Variants in PPP2R1B observed in about 807,000 individuals in gnomAD.
PPP2R1B encodes protein phosphatase 2 scaffold subunit Abeta, also known as serine/threonine-protein phosphatase 2A 65 kDa regulatory subunit A beta isoform.
Under a neutral mutation model 72.7 loss-of-function variants are expected in PPP2R1B, and 58 were observed. That is an observed-to-expected ratio of 0.80 (90% CI 0.65 to 0.99). The LOEUF is 0.99. Among genes scored for constraint, PPP2R1B ranks in the 50% least tolerant of loss-of-function variants. PPP2R1B has a pLI of 0.00. For missense variants in PPP2R1B, 695 were observed against 733.6 expected (o/e 0.95, Z 0.61); for synonymous variants, 256 against 264.6 (o/e 0.97, Z 0.32).
At chr11:111,761,459 G>A (rs918221468) in intron 3 of PPP2R1B, among the ~76,000 whole-genome samples, 8 of 152,198 alleles carry the variant, frequency 5.3e-5, no homozygotes, top group Non-Finnish European at 1.5e-5. Flanking sequence ...CAGGATAACA[G>A]CTTGTCAGGT....
the PPP2R1B span, among the ~76,000 whole-genome samples, chr11:111,702,640 A>AGGTT: frequency 1.3e-5 from 2 of 152,180 alleles, no homozygotes; most frequent in African/African-American, 4.8e-5. Context: ...TAGTGACAGG[A>AGGTT]GGTTACCTTA....
At chr11:111,726,158 A>G (rs1216088517), downstream of PPP2R1B, 4 of 152,216 alleles carry the variant, frequency 2.6e-5, no homozygotes, top group Non-Finnish European at 5.9e-5. Flanking sequence ...TTTTCCCAAA[A>G]TATACTACAG....
chr11:111,696,110 A>G, the PPP2R1B span, among the ~76,000 whole-genome samples: 1 of 152,220 alleles, frequency 6.6e-6, no homozygotes, highest in African/African-American at 2.4e-5. Flanking sequence ...CTGATCTGTA[A>G]TTAAAGACTC....
At chr11:111,688,095 G>A in the PPP2R1B span, 372 of 1,614,038 alleles carry the variant, frequency 2.3e-4, no homozygotes, top group Non-Finnish European at 2.8e-4. This position sits in a 1 kb window ranked among gnomAD's most constrained non-coding sequence, Gnocchi z 4.2. Flanking sequence ...ATGGTCGGAA[G>A]ATTGTGCACC....
In PPP2R1B at chr11:111,754,563, C is replaced by T. The variant is rs200276094; in HGVS notation, c.965G>A (p.Gly322Asp). ...TCTATCTTCAATGGGCAAGTTCTCA[C>T]CAAGTTCTAAAAGATAAATAGAAAA... The part of the protein sequence containing the change: ...AAAAHKVKEL[G>D]ENLPIEDRET... The change falls in exon 8 of 15, where the codon GGT becomes GAT. Residue 322 changes from glycine to aspartate, a missense_variant. By Grantham distance (94) the Gly-to-Asp change is moderately conservative (BLOSUM62 -1). Coordinates refer to ENST00000527614, the MANE Select transcript of PPP2R1B (RefSeq NM_002716.5). The T allele has an allele frequency of 5.4e-5, 86 of 1,602,292 alleles. No individual in the cohort carries two copies. The highest frequency in any genetic ancestry group is 9.3e-6 in the Non-Finnish European group (11 of 1,177,270).
In PPP2R1B at chr11:111,766,291, G is replaced by C. The variant is rs1945537969; in HGVS notation, c.71C>G (p.Pro24Arg). ...GAGCTCGTCGATTAAAACCGCGATCGGGTATAGCGAATCATCTCCATCTCC... is the reference window on the plus strand; with the variant it reads ...GAGCTCGTCGATTAAAACCGCGATCCGGTATAGCGAATCATCTCCATCTCC... ...AGGDGDDSLY[P>R]IAVLIDELRN... Residue 24 changes from proline (P) to arginine (R), a missense_variant, in exon 1 of 15, where the codon CCG becomes CGG. Coordinates refer to ENST00000527614, the MANE Select transcript of PPP2R1B (RefSeq NM_002716.5). 6.3e-7 allele frequency: 1 copy of C among 1,592,816 alleles called. No individual in the cohort carries two copies. The highest frequency in any genetic ancestry group is 1.7e-5 in the Admixed American group (1 of 57,906).
chr11:111,715,347 C>G, the PPP2R1B span, among the ~76,000 whole-genome samples: 5 of 152,214 alleles, frequency 3.3e-5, no homozygotes, highest in Non-Finnish European at 7.3e-5. Flanking sequence ...GACACAGTTC[C>G]CTTTTTATTG....
intron 10 of PPP2R1B, among the ~76,000 whole-genome samples, chr11:111,750,876 T>C (rs782565488): frequency 1.3e-5 from 2 of 152,202 alleles, no homozygotes; most frequent in Admixed American, 6.5e-5. Flanking sequence ...TTTTACTCTG[T>C]TGCCCAGGCT....
downstream of PPP2R1B, chr11:111,723,509 C>A (rs1565398658): frequency 7.5e-6 from 12 of 1,600,674 alleles, no homozygotes; most frequent in Non-Finnish European, 1.0e-5. Flanking sequence ...CCAGCAGAAG[C>A]GACTCTTTCT....
intron 8 of PPP2R1B, among the ~76,000 whole-genome samples, chr11:111,754,257 T>C (rs1410096933): frequency 1.3e-5 from 2 of 152,196 alleles, no homozygotes; most frequent in Admixed American, 6.5e-5. Context: ...TACTGATTAG[T>C]TGATAATGTT....
In PPP2R1B at chr11:111,766,356, C is replaced by G; in HGVS notation, c.6G>C (p.Ala2=). Residue 2 remains alanine (A), a synonymous_variant, in exon 1 of 15, where the codon GCG becomes GCC. Transcript: ENST00000527614. M[A]GASELGTGPG... ...GGCCGGTCCCGAGCTCTGATGCGCC[C>G]GCCATGTTCTTTCTCCTCCTGCTGC... 6.4e-7 allele frequency: 1 copy of G among 1,570,054 alleles called. No homozygotes were observed. The highest frequency in any genetic ancestry group is 1.1e-5 in the South Asian group (1 of 90,364).
At chr11:111,695,782 G>T in the PPP2R1B span, among the ~76,000 whole-genome samples, 13 of 152,106 alleles carry the variant, frequency 8.5e-5, no homozygotes, top group African/African-American at 3.1e-4. Flanking sequence ...TCTCCATTTT[G>T]TATTTGGTTC....
chr11:111,763,847 A>ACT (rs60119313), intron 3 of PPP2R1B, among the ~76,000 whole-genome samples: 42,293 of 146,102 alleles, frequency 0.29, 6,513 homozygotes, highest in East Asian at 0.45. Context: ...CAGAAAAAAA[A>ACT]CTCTCTCTCT....
At chr11:111,754,917 G>T in intron 7 of PPP2R1B, 63 bp downstream of exon 7, 1 of 1,420,450 alleles carries the variant, frequency 7.0e-7, no homozygotes, top group East Asian at 2.3e-5. Context: ...ATGCAAAATT[G>T]ACTAACAAAA....
downstream of PPP2R1B, chr11:111,737,732 C>T: frequency 7.3e-7 from 1 of 1,370,350 alleles, no homozygotes; most frequent in South Asian, 1.4e-5. Context: ...AAAGCTGGGG[C>T]AGCCCAGGGT....
the PPP2R1B span, among the ~76,000 whole-genome samples, chr11:111,708,776 T>C: frequency 6.6e-6 from 1 of 152,132 alleles, no homozygotes; most frequent in Non-Finnish European, 1.5e-5. Flanking sequence ...TTTGTGGAGA[T>C]AGGGTCTTGC....
At chr11:111,737,041 T>A (rs1394732251), downstream of PPP2R1B, among the ~76,000 whole-genome samples, 1 of 152,222 alleles carries the variant, frequency 6.6e-6, no homozygotes, top group Non-Finnish European at 1.5e-5. Context: ...CAACTATTTT[T>A]ATCTTGAATG....
the PPP2R1B span, chr11:111,700,872 T>C: frequency 5.0e-6 from 8 of 1,613,440 alleles, no homozygotes; most frequent in Non-Finnish European, 5.1e-6. Context: ...TAACATTTAT[T>C]TCCATCCTAA....
chr11:111,765,473 G>T, intron 1 of PPP2R1B, 89 bp from the exon 2 acceptor site: 2 of 1,017,976 alleles, frequency 2.0e-6, no homozygotes, highest in Non-Finnish European at 3.0e-6. Context: ...GTGAAATTAT[G>T]ACACAGGGGT....
Sources: allele counts gnomAD v4.1 joint callset (sites outside exome capture counted in the v4.1 genomes callset), GRCh38; gene constraint gnomAD v4.1.1; non-coding constraint Gnocchi (gnomAD v3.1); transcripts MANE v1.5; gene names NCBI Gene and HGNC (gene_info 2026-07-23, HGNC 2026-07-21).